The following PPP2R1B variants were observed in gnomAD, a reference collection of about 807,000 sequenced individuals.
PPP2R1B encodes protein phosphatase 2 scaffold subunit Abeta.
Under a neutral mutation model 72.7 loss-of-function variants are expected in PPP2R1B, and 58 were observed. The ratio of observed to expected loss-of-function variants is 0.80; its 90% CI spans 0.65 to 0.99. PPP2R1B has a LOEUF of 0.99. Among genes scored for constraint, PPP2R1B ranks in the 50% least tolerant of loss-of-function variants. The pLI is 0.00. For missense variants in PPP2R1B, 695 were observed against 733.6 expected, an observed-to-expected ratio of 0.95 and a Z score of 0.61; for synonymous variants, 256 against 264.6, an observed-to-expected ratio of 0.97 and a Z score of 0.32.
chr11:111,722,893 G>GGGC, downstream of PPP2R1B: 1 of 717,192 alleles, frequency 1.4e-6, no homozygotes, highest in Non-Finnish European at 2.3e-6. This position sits in a 1 kb window ranked among gnomAD's most constrained non-coding sequence, Gnocchi z 4.4. Flanking sequence ...GGCCCTCTGA[G>GGGC]CACGATTACT....
the PPP2R1B span, chr11:111,719,841 A>C: frequency 1.2e-6 from 2 of 1,614,090 alleles, no homozygotes; most frequent in Non-Finnish European, 1.7e-6. Flanking sequence ...GTCACTGCCC[A>C]GCAACATGAT....
chr11:111,746,336 A>G (rs1169597603), intron 11 of PPP2R1B, among the ~76,000 whole-genome samples: 1 of 152,184 alleles, frequency 6.6e-6, no homozygotes, highest in African/African-American at 2.4e-5. Flanking sequence ...GACATGGATG[A>G]AGCTAGAAGC....
chr11:111,706,354 GA>G, the PPP2R1B span, among the ~76,000 whole-genome samples: 4 of 152,176 alleles, frequency 2.6e-5, no homozygotes, highest in African/African-American at 4.8e-5. Flanking sequence ...AGTTGCTCAG[GA>G]GGAAGATGTG....
the PPP2R1B span, among the ~76,000 whole-genome samples, chr11:111,717,798 T>G: frequency 3.3e-5 from 5 of 152,258 alleles, no homozygotes; most frequent in Non-Finnish European, 7.4e-5. Context: ...TGCAGGGACA[T>G]GAATGGAGCT....
At chr11:111,737,541 T>C (rs376375116), downstream of PPP2R1B, 3 of 1,614,052 alleles carry the variant, frequency 1.9e-6, no homozygotes, top group African/African-American at 1.3e-5. Flanking sequence ...TCACAGGAAA[T>C]TCTAGCTTCC....
At position 111,764,801 on chromosome 11, in the gene PPP2R1B, T is replaced by G; in HGVS notation, c.306+4A>C. ...AGGAGGGTAGGCAGCTTATAAATAC[T>G]CACCAGCAGACAGTGGGCAAAGTCA... On this transcript the variant is annotated splice_donor_region_variant and intron_variant, in intron 3 of 14. Coordinates refer to ENST00000527614, the MANE Select transcript of PPP2R1B (RefSeq NM_002716.5). 2 of 1,613,838 alleles carry G rather than the reference T, an allele frequency of 1.2e-6. No homozygotes were observed. The highest frequency in any genetic ancestry group is 1.7e-6 in the Non-Finnish European group (2 of 1,179,926).
chr11:111,722,892 A>G (rs147261604), downstream of PPP2R1B: 1 of 727,500 alleles, frequency 1.4e-6, no homozygotes, highest in East Asian at 2.7e-5. This position sits in a 1 kb window ranked among gnomAD's most constrained non-coding sequence, Gnocchi z 4.4. Context: ...AGGCCCTCTG[A>G]GCACGATTAC....
At position 111,740,156 on chromosome 11, in the gene PPP2R1B, T is replaced by C. The variant is rs1026829081; in HGVS notation, c.*1440A>G. The C allele has an allele frequency of 1.0e-6, 1 of 985,156 alleles. No homozygotes were observed. The highest frequency in any genetic ancestry group is 1.2e-6 in the Non-Finnish European group (1 of 829,814). 61.0% of individuals were successfully genotyped at this position (985,156 alleles called of 1,614,324 possible). Reference sequence around the variant, plus strand: ...ATAGCAAGATGCACTGAGAGAAAAATAAACTATGGGAAAACCCCCTTAACC... The same window carrying C: ...ATAGCAAGATGCACTGAGAGAAAAACAAACTATGGGAAAACCCCCTTAACC... On this transcript the variant is annotated 3_prime_UTR_variant, in exon 15 of 15. Coordinates refer to ENST00000527614, the MANE Select transcript of PPP2R1B (RefSeq NM_002716.5).
Position 111,743,522 on chromosome 11 carries a change from T to C in PPP2R1B, c.1408A>G (p.Ile470Val). The change falls in exon 12 of 15, where the codon ATC becomes GTC. Residue 470 changes from isoleucine (I) to valine (V), a missense_variant. Transcript: ENST00000527614. Reference protein sequence around the residue: ...MAWLVDHVYAIREAATNNLMK... With the variant: ...MAWLVDHVYAVREAATNNLMK... The stretch of plus-strand genomic sequence containing the variant: ...AGGTTGTTGGTGGCAGCTTCTCGGA[T>C]GGCGTATACTGCAGAAGAGGTCAAA... 6.2e-7 allele frequency: 1 copy of C among 1,612,928 alleles called. No individual in the cohort carries two copies. Among genetic ancestry groups the C allele is most frequent in the Non-Finnish European group, 8.5e-7 (1 of 1,179,700 alleles).
At chr11:111,732,028 G>A (rs1944209769) in intron 15 of PPP2R1B, among the ~76,000 whole-genome samples, 1 of 152,204 alleles carries the variant, frequency 6.6e-6, no homozygotes, top group African/African-American at 2.4e-5. Context: ...GTGAGTCGAA[G>A]GCTCCAGCAG....
downstream of PPP2R1B, chr11:111,722,694 C>T (rs1399109306): frequency 6.2e-7 from 1 of 1,614,186 alleles, no homozygotes; most frequent in Non-Finnish European, 8.5e-7. This position sits in a 1 kb window ranked among gnomAD's most constrained non-coding sequence, Gnocchi z 4.4. Context: ...AGGCCCAGAA[C>T]ACCTGTCAGC....
chr11:111,741,709 A>C (rs1285606471), intron 14 of PPP2R1B, 97 bp from the exon 15 acceptor site: 5 of 1,318,618 alleles, frequency 3.8e-6, no homozygotes, highest in African/African-American at 2.9e-5. Context: ...AAACGTATCA[A>C]ACTAACAACT....
At chr11:111,755,138 A>C in intron 6 of PPP2R1B, 44 bp from the exon 7 acceptor site, 1 of 1,555,164 alleles carries the variant, frequency 6.4e-7, no homozygotes, top group East Asian at 2.3e-5. Context: ...CTAACAAAAG[A>C]ATTAACAAGA....
At chr11:111,735,044 G>C (rs1395953831), downstream of PPP2R1B, among the ~76,000 whole-genome samples, 1 of 152,218 alleles carries the variant, frequency 6.6e-6, no homozygotes, top group African/African-American at 2.4e-5. Flanking sequence ...GGGCCCAAGG[G>C]ACTCTCTGAG....
chr11:111,737,926 C>A lies in PPP2R1B; in HGVS notation c.*3670G>T. On this transcript the variant is annotated 3_prime_UTR_variant, in exon 15 of 15. Transcript: ENST00000527614. Reference sequence around the variant, plus strand: ...AGAACAACTCTGGAGACAGAAATGGCTTGGCTTTCCGACGCAATGAGTAAT... The same window carrying A: ...AGAACAACTCTGGAGACAGAAATGGATTGGCTTTCCGACGCAATGAGTAAT... The A allele has an allele frequency of 9.5e-7, 1 of 1,048,250 alleles. No homozygotes were observed. Among genetic ancestry groups the A allele is most frequent in the Non-Finnish European group, 1.2e-6 (1 of 867,778 alleles). The allele number at this position is 1,048,250 out of a possible 1,614,324, so 64.9% of individuals were successfully genotyped here. A position where few individuals can be genotyped will look rare whatever the true frequency, so the allele number is the denominator to read the frequency against.
chr11:111,705,299 C>T, the PPP2R1B span, among the ~76,000 whole-genome samples: 3 of 152,192 alleles, frequency 2.0e-5, no homozygotes, highest in Non-Finnish European at 2.9e-5. The surrounding 1 kb of genome is among the most constrained non-coding windows in gnomAD (Gnocchi z 4.3). Context: ...TGTTTTAGCA[C>T]TTCCTCATTT....
At chr11:111,748,081 A>G (rs1342800756) in intron 10 of PPP2R1B, 67 bp from the exon 11 acceptor site, 3 of 1,472,836 alleles carry the variant, frequency 2.0e-6, no homozygotes, top group Non-Finnish European at 2.8e-6. Flanking sequence ...GTCTATTTAC[A>G]TTACACCAAG....
At chr11:111,750,821 C>T (rs1944875348) in intron 10 of PPP2R1B, among the ~76,000 whole-genome samples, 1 of 150,458 alleles carries the variant, frequency 6.6e-6, no homozygotes, top group Non-Finnish European at 1.5e-5. Context: ...ACATTACAAG[C>T]TTCAGTTTTT....
intron 3 of PPP2R1B, among the ~76,000 whole-genome samples, chr11:111,764,214 CTT>C (rs369985121): frequency 5.6e-5 from 8 of 143,278 alleles, no homozygotes; most frequent in Admixed American, 1.4e-4. Context: ...TTTTGGTGGT[CTT>C]TTTTTTTTTT....
Sources: allele counts gnomAD v4.1 joint callset (sites outside exome capture counted in the v4.1 genomes callset), GRCh38; gene constraint gnomAD v4.1.1; non-coding constraint Gnocchi (gnomAD v3.1); transcripts MANE v1.5; gene names NCBI Gene and HGNC (gene_info 2026-07-23, HGNC 2026-07-21).